Variants in IL1RAPL1 observed in about 807,000 individuals in gnomAD.
IL1RAPL1 encodes interleukin-1 receptor accessory protein-like 1.
A neutral mutation model predicts 48.4 loss-of-function variants in IL1RAPL1; 3 were observed. The ratio of observed to expected loss-of-function variants is 0.06; its 90% CI spans 0.03 to 0.16. The LOEUF (loss-of-function observed/expected upper bound fraction) is 0.16, where lower values mean the gene tolerates loss of function less well. Ranked by LOEUF, IL1RAPL1 falls within the 10% of genes least tolerant of loss-of-function variation. IL1RAPL1 has a pLI of 1.00. For synonymous variants in IL1RAPL1, 185 were observed against 187.7 expected (o/e 0.99, Z 0.12); for missense variants, 349 against 530.6 (o/e 0.66, Z 3.36).
chrX:29,260,264 C>T (rs1410365972), intron 2 of IL1RAPL1, among the ~76,000 whole-genome samples: 1 of 112,369 alleles, frequency 8.9e-6, no homozygotes, highest in African/African-American at 3.2e-5. Context: ...TCTAATCGTG[C>T]AGACTTTAGT....
intron 5 of IL1RAPL1, among the ~76,000 whole-genome samples, chrX:29,430,591 ATATGTG>A (rs1472178421): frequency 2.5e-4 from 27 of 106,796 alleles, no homozygotes; most frequent in South Asian, 1.2e-3. Context: ...GTATATATAT[ATATGTG>A]TGTGTGTGTG....
intron 6 of IL1RAPL1, among the ~76,000 whole-genome samples, chrX:29,777,196 T>C (rs769948490): frequency 8.9e-6 from 1 of 112,396 alleles, no homozygotes; most frequent in South Asian, 3.7e-4. Context: ...GGCAAAATAA[T>C]AAATGAGAAT....
chrX:28,808,933 A>G (rs1039179527), intron 2 of IL1RAPL1, among the ~76,000 whole-genome samples: 5 of 110,867 alleles, frequency 4.5e-5, no homozygotes, highest in Admixed American at 2.9e-4. Flanking sequence ...TATTCTCTCA[A>G]TGGTTTAACA....
chrX:29,778,658 C>T (rs984254335), intron 6 of IL1RAPL1, among the ~76,000 whole-genome samples: 3 of 112,251 alleles, frequency 2.7e-5, no homozygotes, highest in Admixed American at 9.4e-5. Flanking sequence ...TGCCAGAAAA[C>T]TCTCCAATGA....
At chrX:29,851,134 C>T (rs960666959) in intron 6 of IL1RAPL1, among the ~76,000 whole-genome samples, 2 of 111,572 alleles carry the variant, frequency 1.8e-5, no homozygotes, top group East Asian at 2.8e-4. Flanking sequence ...CTTGAAGACC[C>T]TCATATATAC....
At chrX:28,671,713 T>A (rs1383914205) in intron 1 of IL1RAPL1, among the ~76,000 whole-genome samples, 1 of 112,297 alleles carries the variant, frequency 8.9e-6, no homozygotes, top group African/African-American at 3.2e-5. Context: ...TCTTAGCATA[T>A]GGGCATTTTT....
At chrX:29,312,607 G>C (rs184725316) in intron 3 of IL1RAPL1, among the ~76,000 whole-genome samples, 1 of 111,641 alleles carries the variant, frequency 9.0e-6, no homozygotes, top group African/African-American at 3.3e-5. Flanking sequence ...ATTGATTTGA[G>C]AATTAGAGGC....
At chrX:28,971,434 CA>C (rs765725015) in intron 2 of IL1RAPL1, among the ~76,000 whole-genome samples, 41 of 111,937 alleles carry the variant, frequency 3.7e-4, no homozygotes, top group African/African-American at 9.7e-4. Context: ...CATTGCCACT[CA>C]AGGTTCTCCT....
intron 2 of IL1RAPL1, among the ~76,000 whole-genome samples, chrX:28,957,033 T>G (rs748273599): frequency 0.056 from 6,136 of 110,532 alleles, 436 homozygotes; most frequent in African/African-American, 0.19. Context: ...CTTCTAGATT[T>G]TCTAGTTTAT....
chrX:28,658,291 C>T (rs1306431864), intron 1 of IL1RAPL1, among the ~76,000 whole-genome samples: 2 of 110,360 alleles, frequency 1.8e-5, no homozygotes, highest in Non-Finnish European at 3.8e-5. Context: ...GATCTCGGCT[C>T]ACTGCAACCT....
intron 5 of IL1RAPL1, among the ~76,000 whole-genome samples, chrX:29,453,178 G>A (rs1934700308): frequency 9.1e-6 from 1 of 109,452 alleles, no homozygotes; most frequent in Non-Finnish European, 1.9e-5. Flanking sequence ...CGCCACCTCG[G>A]CCTCCCAAAG....
chrX:29,059,939 G>A (rs1425112889), intron 2 of IL1RAPL1, among the ~76,000 whole-genome samples: 1 of 111,474 alleles, frequency 9.0e-6, no homozygotes, highest in Non-Finnish European at 1.9e-5. Context: ...TCTGTTCTTA[G>A]CAACTTTCCT....
At chrX:29,118,781 A>G (rs1928725110) in intron 2 of IL1RAPL1, among the ~76,000 whole-genome samples, 1 of 111,655 alleles carries the variant, frequency 9.0e-6, no homozygotes, top group Admixed American at 9.6e-5. Flanking sequence ...TGAAATTTCT[A>G]CTTTAAAAAA....
At position 29,614,477 on chromosome X, in the gene IL1RAPL1, C is replaced by G. The variant is rs1008824909; in HGVS notation, c.704-53953C>G. On this transcript the variant is annotated intron_variant, in intron 5 of 10. Coordinates refer to ENST00000378993, the MANE Select transcript of IL1RAPL1 (RefSeq NM_014271.4). ...AAAGACTGGAATAAAATGCTGTAAA[C>G]TAACTCATTTAATATCCTTCTGTGA... Among the ~76,000 whole-genome samples the G allele has an allele frequency of 3.6e-5, 4 of 112,590 alleles. No homozygotes were observed. In the East Asian group the frequency reaches 1.1e-3, roughly 31 times the overall value.
chrX:29,033,053 T>C (rs1926656238), intron 2 of IL1RAPL1, among the ~76,000 whole-genome samples: 1 of 111,998 alleles, frequency 8.9e-6, no homozygotes, highest in Non-Finnish European at 1.9e-5. Context: ...AAAAATATGT[T>C]AGCTATAATT....
At chrX:29,080,331 T>C (rs1297622501) in intron 2 of IL1RAPL1, among the ~76,000 whole-genome samples, 3 of 109,910 alleles carry the variant, frequency 2.7e-5, no homozygotes, top group Non-Finnish European at 5.7e-5. Flanking sequence ...GTGAGCCGTA[T>C]TTGTGCCACT....
chrX:29,240,225 T>TATATATATATATA (rs1491558128), intron 2 of IL1RAPL1, among the ~76,000 whole-genome samples: 2 of 15,930 alleles, frequency 1.3e-4, no homozygotes, highest in African/African-American at 6.9e-4. Context: ...TATATATATA[T>TATATATATATATA]TTTTTTTTTT....
chrX:29,387,105 T>C (rs1933787868), intron 3 of IL1RAPL1, among the ~76,000 whole-genome samples: 1 of 111,500 alleles, frequency 9.0e-6, no homozygotes, highest in African/African-American at 3.3e-5. Flanking sequence ...TTGAAAAATA[T>C]GAAATTAGGA....
intron 2 of IL1RAPL1, among the ~76,000 whole-genome samples, chrX:29,022,948 C>CAGTT (rs1926405088): frequency 8.9e-6 from 1 of 112,229 alleles, no homozygotes; most frequent in Admixed American, 9.4e-5. Flanking sequence ...CCACTCACTG[C>CAGTT]AGCCCACACT....
Sources: gnomAD v4.1 joint callset for allele counts (sites outside exome capture counted in the v4.1 genomes callset) on GRCh38, gnomAD v4.1.1 for gene constraint, MANE v1.5 for transcripts, NCBI Gene and HGNC (gene_info 2026-07-23, HGNC 2026-07-21) for gene names.